TTC17: variants seen among roughly 807,000 people sequenced by gnomAD.
The protein encoded by TTC17 is tetratricopeptide repeat protein 17.
Under a neutral mutation model 143.8 loss-of-function variants are expected in TTC17, and 58 were observed. That is an observed-to-expected ratio of 0.40 (90% CI 0.33 to 0.50). The LOEUF is 0.50. TTC17 is among the 20% of genes least tolerant of loss of function. TTC17 has a pLI of 0.49. For synonymous variants in TTC17, 501 were observed against 497.8 expected (o/e 1.01, Z -0.09); for missense variants, 1,273 against 1,392.5 (o/e 0.91, Z 1.37).
At chr11:43,438,107 C>A (rs1009625795) in intron 16 of TTC17, among the ~76,000 whole-genome samples, 15 of 152,348 alleles carry the variant, frequency 9.8e-5, no homozygotes, top group African/African-American at 3.6e-4. Context: ...CAAATCAGAT[C>A]ACTGCCTTTT....
chr11:43,428,238 A>C (rs995589532), intron 16 of TTC17, among the ~76,000 whole-genome samples: 1 of 152,132 alleles, frequency 6.6e-6, no homozygotes. Context: ...AGTCTGTTGA[A>C]TTTGTTTCCC....
At chr11:43,407,803 T>G (rs1276955841) in intron 15 of TTC17, among the ~76,000 whole-genome samples, 1 of 151,996 alleles carries the variant, frequency 6.6e-6, no homozygotes, top group East Asian at 1.9e-4. Context: ...TTTTTTTTTT[T>G]GGAAACTTAC....
chr11:43,406,103 GA>G, intron 13 of TTC17, 152 bp downstream of exon 13: 1 of 1,018,618 alleles, frequency 9.8e-7, no homozygotes, highest in East Asian at 2.6e-5. Flanking sequence ...AAATGATGGC[GA>G]AGTCAGTCAT....
At chr11:43,412,760 A>G (rs918692980) in intron 15 of TTC17, among the ~76,000 whole-genome samples, 3 of 152,120 alleles carry the variant, frequency 2.0e-5, no homozygotes, top group African/African-American at 7.2e-5. Flanking sequence ...AATCCAAAAC[A>G]TTTCTGGTTC....
intron 19 of TTC17, chr11:43,449,257 T>G (rs1275603270): frequency 6.6e-6 from 1 of 152,374 alleles, no homozygotes; most frequent in Non-Finnish European, 1.5e-5. Context: ...TTTTTCATCC[T>G]CTCTTTTGCC....
chr11:43,475,083 T>G (rs892911037), intron 21 of TTC17, among the ~76,000 whole-genome samples: 1 of 152,156 alleles, frequency 6.6e-6, no homozygotes, highest in Non-Finnish European at 1.5e-5. Context: ...AATCCGTGTG[T>G]AAGTGAACCT....
At chr11:43,368,386 G>A (rs1480919624) in intron 1 of TTC17, among the ~76,000 whole-genome samples, 1 of 152,012 alleles carries the variant, frequency 6.6e-6, no homozygotes, top group African/African-American at 2.4e-5. Flanking sequence ...CTAAACTCTT[G>A]ATTTTCTACC....
In TTC17 at chr11:43,477,411, T is replaced by G. The variant is rs535257305; in HGVS notation, c.3031-12828T>G. ...ACCAATTTACTGTATTAGCTTGTTT[T>G]CATGCTACTGATAAAGACATACCCA... On this transcript the variant is annotated intron_variant, in intron 21 of 23. Transcript: ENST00000039989. 1.3e-5 allele frequency among the ~76,000 whole-genome samples: 2 copies of G among 152,352 alleles called. 1 individual carries two copies. The highest frequency in any genetic ancestry group is 4.1e-4 in the South Asian group (2 of 4,830).
At chr11:43,386,363 A>G (rs745579071) in intron 2 of TTC17, among the ~76,000 whole-genome samples, 1 of 152,246 alleles carries the variant, frequency 6.6e-6, no homozygotes, top group Non-Finnish European at 1.5e-5. Context: ...TAAAGCCTGT[A>G]TAACATGTTA....
intron 11 of TTC17, among the ~76,000 whole-genome samples, chr11:43,404,733 C>G (rs1305807485): frequency 6.6e-6 from 1 of 152,112 alleles, no homozygotes; most frequent in Non-Finnish European, 1.5e-5. Flanking sequence ...ATTAAACAGC[C>G]ACTTAGATTT....
intron 21 of TTC17, among the ~76,000 whole-genome samples, chr11:43,462,501 G>C (rs1947887750): frequency 6.6e-6 from 1 of 152,198 alleles, no homozygotes; most frequent in South Asian, 2.1e-4. Context: ...CCAGAAGAGG[G>C]AAGTAACAGA....
chr11:43,431,027 T>A (rs890534983), intron 16 of TTC17, among the ~76,000 whole-genome samples: 4 of 152,130 alleles, frequency 2.6e-5, no homozygotes, highest in African/African-American at 9.7e-5. Flanking sequence ...ATGTGGTGTT[T>A]GGTTTTGTTT....
At chr11:43,425,717 A>G (rs1267834910) in intron 16 of TTC17, among the ~76,000 whole-genome samples, 2 of 152,074 alleles carry the variant, frequency 1.3e-5, no homozygotes, top group Non-Finnish European at 2.9e-5. Context: ...ATTTATTACT[A>G]GTGGTTGAAT....
chr11:43,385,188 A>G (rs1020207571), intron 2 of TTC17, among the ~76,000 whole-genome samples: 10 of 152,224 alleles, frequency 6.6e-5, no homozygotes, highest in African/African-American at 2.2e-4. Context: ...GGATCTATAT[A>G]TATCTATATG....
chr11:43,376,161 T>C (rs1856757865), intron 1 of TTC17, among the ~76,000 whole-genome samples: 1 of 152,230 alleles, frequency 6.6e-6, no homozygotes, highest in Non-Finnish European at 1.5e-5. Flanking sequence ...TTAGGAATAT[T>C]CAACTTGTAC....
intron 15 of TTC17, among the ~76,000 whole-genome samples, chr11:43,408,901 A>G (rs971896023): frequency 6.6e-6 from 1 of 151,876 alleles, no homozygotes; most frequent in Non-Finnish European, 1.5e-5. Flanking sequence ...ACCACTGCGT[A>G]TGGCTGAATT....
intron 21 of TTC17, among the ~76,000 whole-genome samples, chr11:43,483,087 G>A (rs1219837795): frequency 6.6e-6 from 1 of 151,990 alleles, no homozygotes; most frequent in African/African-American, 2.4e-5. Flanking sequence ...TTGAAAACAG[G>A]TAGACAATTT....
chr11:43,397,220 TG>T, intron 6 of TTC17, 126 bp from the exon 7 acceptor site: 1 of 1,104,310 alleles, frequency 9.1e-7, no homozygotes. Context: ...AATTTAAAAA[TG>T]AAACACTATG....
intron 21 of TTC17, among the ~76,000 whole-genome samples, chr11:43,480,595 A>T (rs1221167585): frequency 3.3e-5 from 5 of 152,230 alleles, no homozygotes; most frequent in Non-Finnish European, 7.3e-5. Context: ...AGCAAATAAG[A>T]TACAAACCCA....
Sources: allele counts gnomAD v4.1 joint callset (sites outside exome capture counted in the v4.1 genomes callset), GRCh38; gene constraint gnomAD v4.1.1; transcripts MANE v1.5; gene names NCBI Gene and HGNC (gene_info 2026-07-23, HGNC 2026-07-21).